Variants in MPPED2 observed in about 807,000 individuals in gnomAD.
MPPED2 encodes the protein metallophosphoesterase MPPED2.
Under a neutral mutation model 33.0 loss-of-function variants are expected in MPPED2, and 5 were observed. The ratio of observed to expected loss-of-function variants is 0.15; its 90% confidence interval spans 0.08 to 0.32. The LOEUF is 0.32. Among genes scored for constraint, MPPED2 ranks in the 10% least tolerant of loss-of-function variants. MPPED2 has a pLI of 1.00. For missense variants in MPPED2, 275 were observed against 372.1 expected (o/e 0.74, Z 2.15); for synonymous variants, 136 against 141.9 (o/e 0.96, Z 0.29).
chr11:30,466,246 A>G (rs1051794190), intron 4 of MPPED2, among the ~76,000 whole-genome samples: 7 of 152,236 alleles, frequency 4.6e-5, no homozygotes, highest in African/African-American at 1.4e-4. Context: ...AACTTAATAG[A>G]CTTATCTTCC....
In MPPED2 at chr11:30,410,603, G is replaced by C. The variant is rs369968219; in HGVS notation, c.*865C>G. 3.0e-6 allele frequency: 3 copies of C among 985,768 alleles called. No individual in the cohort carries two copies. The highest frequency in any genetic ancestry group is 3.6e-6 in the Non-Finnish European group (3 of 829,932). The allele number at this position is 985,768 out of a possible 1,614,324, so 61.1% of individuals were successfully genotyped here. A position where few individuals can be genotyped will look rare whatever the true frequency, so the allele number is the denominator to read the frequency against. ...AAGACCTTGAGCTCTGAGAGAATGT[G>C]TCAGTTCCTTCCGACTTCTGATGTG... On this transcript the variant is annotated 3_prime_UTR_variant, in exon 7 of 7. Transcript: ENST00000358117.
At chr11:30,583,937 A>G (rs1396907397) in intron 1 of MPPED2, among the ~76,000 whole-genome samples, 2 of 152,156 alleles carry the variant, frequency 1.3e-5, no homozygotes, top group African/African-American at 4.8e-5. Context: ...TCTGCCGCGC[A>G]GATCCAGTGC....
intron 4 of MPPED2, chr11:30,425,540 G>A (rs1274345318): frequency 6.6e-6 from 1 of 152,128 alleles, no homozygotes; most frequent in African/African-American, 2.4e-5. Context: ...TAAGAAACAT[G>A]ACGCCCATCC....
At chr11:30,513,290 A>C (rs1290610379) in intron 3 of MPPED2, among the ~76,000 whole-genome samples, 1 of 152,156 alleles carries the variant, frequency 6.6e-6, no homozygotes, top group East Asian at 1.9e-4. Context: ...AAAACCATTA[A>C]AATAATACAG....
At chr11:30,575,712 A>G (rs1956900084) in intron 2 of MPPED2, among the ~76,000 whole-genome samples, 1 of 152,218 alleles carries the variant, frequency 6.6e-6, no homozygotes, top group African/African-American at 2.4e-5. Flanking sequence ...ATGTGGAGGA[A>G]GGCCACTGTG....
At chr11:30,412,454 G>T (rs529312572) in intron 6 of MPPED2, among the ~76,000 whole-genome samples, 2 of 151,962 alleles carry the variant, frequency 1.3e-5, no homozygotes, top group South Asian at 4.2e-4. Flanking sequence ...GTTGGTATCA[G>T]GCTCTTATCG....
chr11:30,475,487 CT>C (rs1951147950), intron 4 of MPPED2, among the ~76,000 whole-genome samples: 1 of 152,104 alleles, frequency 6.6e-6, no homozygotes, highest in South Asian at 2.1e-4. Context: ...GACCATTGAT[CT>C]TTTCGTCACT....
At chr11:30,526,653 G>A (rs1590718105) in intron 3 of MPPED2, among the ~76,000 whole-genome samples, 1 of 149,194 alleles carries the variant, frequency 6.7e-6, no homozygotes, top group Non-Finnish European at 1.5e-5. Flanking sequence ...GCAGTGAGTC[G>A]AAATCGTGCC....
intron 6 of MPPED2, among the ~76,000 whole-genome samples, chr11:30,412,498 T>C (rs1948152557): frequency 6.6e-6 from 1 of 152,100 alleles, no homozygotes; most frequent in Non-Finnish European, 1.5e-5. Context: ...AAAATAAAAT[T>C]ACCAAGATAT....
rs1417178173 is a variant in MPPED2, at chr11:30,431,269, T to C, written c.537-13636A>G. ...GCACACAGCGTGTGTGTATTCTCTG[T>C]TGGTTCACTGTTGGCTCCACTTAAC... On this transcript the variant is annotated intron_variant, in intron 4 of 6. Transcript: ENST00000358117. Among the ~76,000 whole-genome samples, 9 of 152,310 alleles carry C rather than the reference T, an allele frequency of 5.9e-5. No homozygotes were observed. In the East Asian group the frequency reaches 1.7e-3, roughly 29 times the overall value.
chr11:30,521,877 T>C (rs564201121), intron 3 of MPPED2, among the ~76,000 whole-genome samples: 1 of 152,332 alleles, frequency 6.6e-6, no homozygotes, highest in African/African-American at 2.4e-5. Flanking sequence ...CTCTCTGAGT[T>C]GCAGCATCTG....
intron 6 of MPPED2, among the ~76,000 whole-genome samples, chr11:30,396,523 GCTC>G: frequency 6.6e-6 from 1 of 152,220 alleles, no homozygotes; most frequent in South Asian, 2.1e-4. Flanking sequence ...CCATATTTCA[GCTC>G]AATGAAACAA....
chr11:30,514,473 T>C (rs1211709859), intron 3 of MPPED2, among the ~76,000 whole-genome samples: 2 of 152,142 alleles, frequency 1.3e-5, no homozygotes, highest in Non-Finnish European at 2.9e-5. Context: ...ACTGAGCCCC[T>C]GAATTACCAG....
exon 7 of MPPED2, chr11:30,387,896 GC>G (rs1415647986): frequency 6.6e-6 from 1 of 152,280 alleles, no homozygotes; most frequent in East Asian, 1.9e-4. Flanking sequence ...GGGAGAGGCA[GC>G]CACATCGTGT....
intron 4 of MPPED2, among the ~76,000 whole-genome samples, chr11:30,479,166 A>T (rs913915474): frequency 4.6e-5 from 7 of 152,054 alleles, no homozygotes; most frequent in Non-Finnish European, 8.8e-5. Flanking sequence ...CACACTGGCC[A>T]AAAGGGTGGA....
downstream of MPPED2, chr11:30,410,152 A>G: frequency 1.0e-6 from 1 of 985,384 alleles, no homozygotes; most frequent in South Asian, 4.7e-5. Context: ...CTGATGTTGC[A>G]TATGAATAAA....
At chr11:30,403,142 G>A (rs1947934171) in intron 6 of MPPED2, among the ~76,000 whole-genome samples, 1 of 151,890 alleles carries the variant, frequency 6.6e-6, no homozygotes, top group African/African-American at 2.4e-5. Context: ...AGCTACTCGC[G>A]AGGATGAGGC....
chr11:30,404,467 C>CT (rs1947957672), intron 6 of MPPED2, among the ~76,000 whole-genome samples: 1 of 152,220 alleles, frequency 6.6e-6, no homozygotes, highest in Admixed American at 6.5e-5. Context: ...GGAATTGCCA[C>CT]TGGCCATGTG....
intron 4 of MPPED2, among the ~76,000 whole-genome samples, chr11:30,476,702 C>G (rs978581252): frequency 6.6e-6 from 1 of 151,942 alleles, no homozygotes; most frequent in Non-Finnish European, 1.5e-5. Flanking sequence ...TTTTTTTATA[C>G]TCACTTTGAC....
Sources: allele counts gnomAD v4.1 joint callset (sites outside exome capture counted in the v4.1 genomes callset), GRCh38; gene constraint gnomAD v4.1.1; transcripts MANE v1.5; gene names NCBI Gene and HGNC (gene_info 2026-07-23, HGNC 2026-07-21).